The following XPOT variants were observed in gnomAD, a reference collection of about 807,000 sequenced individuals.
XPOT encodes the protein exportin for tRNA, also known as exportin-T.
In XPOT, 34 loss-of-function variants were observed where a neutral mutation model predicts 128.2. That is an observed-to-expected ratio of 0.27 (90% confidence interval 0.20 to 0.35). XPOT has a LOEUF of 0.35. Among genes scored for constraint, XPOT ranks in the 10% least tolerant of loss-of-function variants. XPOT has a pLI of 1.00. For synonymous variants in XPOT, 348 were observed against 394.3 expected (o/e 0.88, Z 1.39); for missense variants, 838 against 1,125.3 (o/e 0.74, Z 3.65).
intron 24 of XPOT, among the ~76,000 whole-genome samples, chr12:64,445,557 A>AT (rs1006008960): frequency 9.3e-4 from 139 of 149,268 alleles, no homozygotes; most frequent in African/African-American, 2.5e-3. Flanking sequence ...GAAATTACTG[A>AT]TTTTTTTTTT....
At chr12:64,448,073 T>A in intron 24 of XPOT, 32 bp from the exon 25 acceptor site, 1 of 1,594,666 alleles carries the variant, frequency 6.3e-7, no homozygotes, top group Non-Finnish European at 8.6e-7. Flanking sequence ...CTTCTGACAT[T>A]AGTATTGATT....
At chr12:64,426,912 A>G (rs2040197374) in intron 15 of XPOT, among the ~76,000 whole-genome samples, 1 of 152,016 alleles carries the variant, frequency 6.6e-6, no homozygotes, top group East Asian at 1.9e-4. Context: ...GAACCCAGGA[A>G]GCAGAATTTG....
rs759478011 is a variant in XPOT at position 64,418,871 on chromosome 12, G to A, written c.271-5G>A. ...AATTTTATGGACTGTTTCTCTGTTT[G>A]TCAGATGCTGAATCCCCAACCAGAG... On this transcript the variant is annotated splice_region_variant and splice_polypyrimidine_tract_variant and intron_variant, in intron 5 of 24. Transcript: ENST00000332707. The A allele has an allele frequency of 3.7e-6, 6 of 1,612,898 alleles. No homozygotes were observed. The African/African-American group carries it at 8.0e-5, about 22-fold the overall frequency.
intron 15 of XPOT, among the ~76,000 whole-genome samples, chr12:64,426,524 A>T (rs999740734): frequency 9.2e-5 from 14 of 152,224 alleles, no homozygotes; most frequent in African/African-American, 3.4e-4. Flanking sequence ...GGAACAAAAG[A>T]CACTTGGGAC....
rs1411626425 is a variant in XPOT at position 64,404,481 on chromosome 12, T to G, written c.-398T>G. 24 of 157,304 alleles carry G rather than the reference T, an allele frequency of 1.5e-4. No individual in the cohort carries two copies. The highest frequency in any genetic ancestry group is 1.3e-3 in the East Asian group (7 of 5,396). The allele number at this position is 157,304 out of a possible 1,614,324, so 9.7% of individuals were successfully genotyped here. ...GCGCTGACTCAGCGGCGGCGGCGGC[T>G]GCGGCGGCGGCGGCGGCGTTAGCCG... On this transcript the variant is annotated 5_prime_UTR_variant, in exon 1 of 25. Coordinates refer to ENST00000332707, the MANE Select transcript of XPOT (RefSeq NM_007235.6).
rs1013576873 is a variant in XPOT, at chr12:64,433,660, T to A, written c.2452+57T>A. 2.7e-6 allele frequency: 4 copies of A among 1,465,738 alleles called. No homozygotes were observed. In the East Asian group the frequency reaches 9.9e-5, roughly 36 times the overall value. The allele number at this position is 1,465,738 out of a possible 1,614,324, so 90.8% of individuals were successfully genotyped here. A position where few individuals can be genotyped will look rare whatever the true frequency, so the allele number is the denominator to read the frequency against. Reference sequence around the variant, plus strand: ...CTTAAGTCTGTGTCACTGTTGTACATCTATATGACCAAGAGCAAACTGAAG... The same window carrying A: ...CTTAAGTCTGTGTCACTGTTGTACAACTATATGACCAAGAGCAAACTGAAG... On this transcript the variant is annotated intron_variant, in intron 19 of 24. Coordinates refer to ENST00000332707, the MANE Select transcript of XPOT (RefSeq NM_007235.6).
chr12:64,439,422 G>A (rs1294058711), intron 23 of XPOT, 107 bp downstream of exon 23: 2 of 1,004,124 alleles, frequency 2.0e-6, no homozygotes, highest in African/African-American at 3.3e-5. Context: ...TATTACATAA[G>A]TTGTTGCCAG....
intron 19 of XPOT, among the ~76,000 whole-genome samples, chr12:64,434,181 T>C (rs2040263272): frequency 6.6e-6 from 1 of 152,128 alleles, no homozygotes; most frequent in Non-Finnish European, 1.5e-5. Context: ...GGCTTATTTT[T>C]TGTAGAGATG....
At chr12:64,418,234 C>A in intron 5 of XPOT, 119 bp downstream of exon 5, 1 of 779,438 alleles carries the variant, frequency 1.3e-6, no homozygotes, top group Non-Finnish European at 2.0e-6. Flanking sequence ...GATTTCATAG[C>A]TTTTTTAAAA....
In XPOT at chr12:64,421,300, A is replaced by T. The variant is rs772096212; in HGVS notation, c.909A>T (p.Ile303=). Residue 303 remains isoleucine, a synonymous_variant, in exon 9 of 25, where the codon ATA becomes ATT. Transcript: ENST00000332707. ...TAAATGGAATGGGACAGTCATTGATAGTTAGTTGGAGTAAATTAATTAAGA... is the reference window on the plus strand; with the variant it reads ...TAAATGGAATGGGACAGTCATTGATTGTTAGTTGGAGTAAATTAATTAAGA... The part of the protein sequence containing the change: ...KLVNGMGQSL[I]VSWSKLIKNG... 41 of 1,613,882 alleles carry T rather than the reference A, an allele frequency of 2.5e-5. No individual in the cohort carries two copies. Among genetic ancestry groups the T allele is most frequent in the Non-Finnish European group, 3.5e-5 (41 of 1,179,928 alleles).
Position 64,425,122 on chromosome 12 carries a change from T to C in XPOT, c.1392T>C (p.His464=). 6.2e-7 allele frequency: 1 copy of C among 1,614,048 alleles called. No individual in the cohort carries two copies. Among genetic ancestry groups the C allele is most frequent in the East Asian group, 2.2e-5 (1 of 44,872 alleles). Residue 464 remains histidine, a synonymous_variant, in exon 13 of 25, where the codon CAT becomes CAC. Coordinates refer to ENST00000332707, the MANE Select transcript of XPOT (RefSeq NM_007235.6). ...YMLAEALPVS[H]GAHFSGDVSK... ...TGGCAGAAGCTCTTCCAGTATCTCA[T>C]GGTGCTCACTTCTCAGGTGATGTTT...
In XPOT at chr12:64,448,301, T is replaced by A; in HGVS notation, c.*170T>A. The stretch of plus-strand genomic sequence containing the variant: ...GGGTGTAATTTTCCTAATACAGGTA[T>A]GTAACAACAAAAGAAGTTGCCTGCA... On this transcript the variant is annotated 3_prime_UTR_variant, in exon 25 of 25. Transcript: ENST00000332707. 1 of 637,830 alleles carries A rather than the reference T, an allele frequency of 1.6e-6. No homozygotes were observed. Among genetic ancestry groups the A allele is most frequent in the South Asian group, 1.9e-5 (1 of 52,760 alleles). The allele number at this position is 637,830 out of a possible 1,614,324, so 39.5% of individuals were successfully genotyped here.
Position 64,424,718 on chromosome 12 carries a change from A to G in XPOT, c.1302A>G (p.Thr434=), listed in dbSNP as rs748525662. The G allele has an allele frequency of 1.9e-6, 3 of 1,613,658 alleles. No homozygotes were observed. Among genetic ancestry groups the G allele is most frequent in the South Asian group, 1.1e-5 (1 of 91,028 alleles). ...CTGTTCGCAGAGTTTTTAGTTCTACACTGCAGTAAGTTTGTCATTACTTTT... is the reference window on the plus strand; with the variant it reads ...CTGTTCGCAGAGTTTTTAGTTCTACGCTGCAGTAAGTTTGTCATTACTTTT... ...LASVRRVFSS[T]LQNWQTTRFM... The change falls in exon 12 of 25, where the codon ACA becomes ACG. Residue 434 remains threonine, a synonymous_variant. Transcript: ENST00000332707.
chr12:64,425,805 C>T lies in XPOT; in HGVS notation c.1573-10C>T. Reference sequence around the variant, plus strand: ...AAATGCAGAAATAGTAAAAGTGTCTCCTTCTTTAGATGGCTTTCTTAGATC... The same window carrying T: ...AAATGCAGAAATAGTAAAAGTGTCTTCTTCTTTAGATGGCTTTCTTAGATC... On this transcript the variant is annotated splice_polypyrimidine_tract_variant and intron_variant, in intron 14 of 24. Coordinates refer to ENST00000332707, the MANE Select transcript of XPOT (RefSeq NM_007235.6). 2 of 1,612,608 alleles carry T rather than the reference C, an allele frequency of 1.2e-6. No homozygotes were observed. Among genetic ancestry groups the T allele is most frequent in the Non-Finnish European group, 8.5e-7 (1 of 1,179,072 alleles).
At chr12:64,418,797 G>A in intron 5 of XPOT, 79 bp from the exon 6 acceptor site, 1 of 1,277,300 alleles carries the variant, frequency 7.8e-7, no homozygotes, top group Non-Finnish European at 1.1e-6. Context: ...ATGAAACTTT[G>A]CCTTTTAATA....
At chr12:64,411,001 GA>G (rs761659205) in intron 2 of XPOT, among the ~76,000 whole-genome samples, 1 of 151,940 alleles carries the variant, frequency 6.6e-6, no homozygotes, top group Non-Finnish European at 1.5e-5. Context: ...CTTATTTTAA[GA>G]AAAAAATCTT....
chr12:64,423,663 A>G (rs1280282028), intron 11 of XPOT, among the ~76,000 whole-genome samples: 1 of 152,042 alleles, frequency 6.6e-6, no homozygotes, highest in East Asian at 1.9e-4. Context: ...CGTGTTGGCC[A>G]AGTTGGTCTT....
chr12:64,422,744 A>T (rs569678829), intron 9 of XPOT, among the ~76,000 whole-genome samples: 23 of 152,136 alleles, frequency 1.5e-4, no homozygotes, highest in African/African-American at 4.3e-4. Context: ...ATAAATAATA[A>T]AAAGAAAACT....
At chr12:64,415,277 TGATTGA>T (rs894658930) in intron 3 of XPOT, among the ~76,000 whole-genome samples, 5 of 151,996 alleles carry the variant, frequency 3.3e-5, no homozygotes, top group African/African-American at 1.2e-4. Flanking sequence ...CCTTATCTTA[TGATTGA>T]GGGTGATAAC....
Sources: allele counts gnomAD v4.1 joint callset (sites outside exome capture counted in the v4.1 genomes callset), GRCh38; gene constraint gnomAD v4.1.1; transcripts MANE v1.5; gene names NCBI Gene and HGNC (gene_info 2026-07-23, HGNC 2026-07-21).